The following ZNF777 variants were observed in gnomAD, a reference collection of about 807,000 sequenced individuals.
The protein encoded by ZNF777 is zinc finger protein 777.
A neutral mutation model predicts 72.1 loss-of-function variants in ZNF777; 7 were observed. The ratio of observed to expected loss-of-function variants is 0.10; its 90% CI spans 0.06 to 0.18. The LOEUF (loss-of-function observed/expected upper bound fraction) is 0.18, where lower values mean the gene tolerates loss of function less well. ZNF777 is among the 10% of genes least tolerant of loss of function. ZNF777 has a pLI of 1.00. For synonymous variants in ZNF777, 545 were observed against 483.5 expected (o/e 1.13, Z -1.67); for missense variants, 828 against 1,128.6 (o/e 0.73, Z 3.82).
In ZNF777 at chr7:149,431,664, G is replaced by T. The variant is rs955306112; in HGVS notation, c.*112C>A. On this transcript the variant is annotated 3_prime_UTR_variant, in exon 6 of 6. Transcript: ENST00000247930. The stretch of plus-strand genomic sequence containing the variant: ...GGACGAGAGGAGAGGGGGAGCTCAC[G>T]GCAAAGGGGCTGGGGGGCGCCCCGC... 17 of 1,054,168 alleles carry T rather than the reference G, an allele frequency of 1.6e-5. No individual in the cohort carries two copies. The highest frequency in any genetic ancestry group is 1.8e-5 in the Non-Finnish European group (15 of 827,076). 65.3% of individuals were successfully genotyped at this position (1,054,168 alleles called of 1,614,324 possible).
chr7:149,439,349 A>AT lies in ZNF777; in HGVS notation c.1088-2524dup, dbSNP rs1799468473. Among the ~76,000 whole-genome samples, 10 of 152,298 alleles carry AT rather than the reference A, an allele frequency of 6.6e-5. No individual in the cohort carries two copies. The South Asian group carries it at 2.1e-3, about 32-fold the overall frequency. ...TTTTGCTTGCTTACACCTTAAAATG[A>AT]TTTTTAAAACTATGTACTCCTTTGC... On this transcript the variant is annotated intron_variant, in intron 4 of 5. Transcript: ENST00000247930.
chr7:149,455,487 G>C lies in ZNF777; in HGVS notation c.536C>G (p.Pro179Arg). Residue 179 changes from proline (P) to arginine (R), a missense_variant, in exon 2 of 6, where the codon CCC (proline) becomes CGC (arginine). Physicochemically the swap from Pro to Arg is moderately radical, Grantham distance 103. This residue lies in a region of ZNF777 where 76 missense variants were observed against 157.3 expected (regional missense o/e 0.48). Transcript: ENST00000247930. This position sits in a 1 kb window ranked among gnomAD's most constrained non-coding sequence, Gnocchi z 4.2. ...SSAVQKEQPL[P>R]TAEITRLAVW... is the part of the protein sequence containing the mutation. The stretch of plus-strand genomic sequence containing the variant: ...AGCCAAGCGGGTGATCTCTGCCGTG[G>C]GGAGCGGCTGTTCCTTCTGGACTGC... 1.9e-6 allele frequency: 3 copies of C among 1,614,114 alleles called. No homozygotes were observed. The highest frequency in any genetic ancestry group is 2.5e-6 in the Non-Finnish European group (3 of 1,180,000).
intron 4 of ZNF777, among the ~76,000 whole-genome samples, chr7:149,443,928 T>C (rs1475839984): frequency 6.6e-6 from 1 of 152,190 alleles, no homozygotes; most frequent in Non-Finnish European, 1.5e-5. Context: ...TTTCCACTCC[T>C]CTGCCCCCAT....
chr7:149,431,655 G>A lies in ZNF777; in HGVS notation c.*121C>T. ...TGGGAGGAGGGACGAGAGGAGAGGG[G>A]GAGCTCACGGCAAAGGGGCTGGGGG... On this transcript the variant is annotated 3_prime_UTR_variant, in exon 6 of 6. Transcript: ENST00000247930. The A allele has an allele frequency of 1.1e-6, 1 of 912,266 alleles. No homozygotes were observed. Among genetic ancestry groups the A allele is most frequent in the Non-Finnish European group, 1.5e-6 (1 of 688,346 alleles). The allele number at this position is 912,266 out of a possible 1,614,324, so 56.5% of individuals were successfully genotyped here.
rs1799806025 is a variant in ZNF777 at position 149,455,440 on chromosome 7, C to T, written c.583G>A (p.Val195Met). Residue 195 changes from valine (V) to methionine (M), a missense_variant, in exon 2 of 6, where the codon GTG (valine) becomes ATG (methionine). Val to Met is a conservative substitution (Grantham distance 21, BLOSUM62 1). Coordinates refer to ENST00000247930, the MANE Select transcript of ZNF777 (RefSeq NM_015694.3). This position sits in a 1 kb window ranked among gnomAD's most constrained non-coding sequence, Gnocchi z 4.2. Reference protein sequence around the residue: ...RLAVWAAVQAVERKLEAQAMR... With the variant: ...RLAVWAAVQAMERKLEAQAMR... ...GCCTGGGCCTCCAGCTTCCTCTCCA[C>T]TGCTTGGACGGCAGCCCACACAGCC... 5.6e-6 allele frequency: 9 copies of T among 1,614,226 alleles called. No individual in the cohort carries two copies. Among genetic ancestry groups the T allele is most frequent in the Non-Finnish European group, 6.8e-6 (8 of 1,180,038 alleles).
intron 5 of ZNF777, among the ~76,000 whole-genome samples, chr7:149,433,872 C>T (rs73467570): frequency 6.6e-6 from 1 of 152,162 alleles, no homozygotes; most frequent in African/African-American, 2.4e-5. Context: ...TCTCAAGTGC[C>T]TTGTACTTAT....
At chr7:149,459,905 A>G (rs1053230874) in intron 1 of ZNF777, 64 of 966,584 alleles carry the variant, frequency 6.6e-5, no homozygotes, top group Non-Finnish European at 7.6e-5. Flanking sequence ...GCGTGAGAGC[A>G]GCCTCCCTCG....
rs1290569454 is a variant in ZNF777 at position 149,436,519 on chromosome 7, G to T, written c.1339+56C>A. 6.5e-7 allele frequency: 1 copy of T among 1,531,428 alleles called. No homozygotes were observed. The highest frequency in any genetic ancestry group is 8.8e-7 in the Non-Finnish European group (1 of 1,139,160). The allele number at this position is 1,531,428 out of a possible 1,614,324, so 94.9% of individuals were successfully genotyped here. On this transcript the variant is annotated intron_variant, in intron 5 of 5. Transcript: ENST00000247930. This position sits in a 1 kb window ranked among gnomAD's most constrained non-coding sequence, Gnocchi z 5.0. Reference sequence around the variant, plus strand: ...ACCACAGCTTTCCCAGGGGGCAGGGGCCCTCTGGGAGGCCTCATGGCAACC... The same window carrying T: ...ACCACAGCTTTCCCAGGGGGCAGGGTCCCTCTGGGAGGCCTCATGGCAACC...
intron 4 of ZNF777, among the ~76,000 whole-genome samples, chr7:149,450,367 G>A (rs538377819): frequency 1.8e-4 from 27 of 152,250 alleles, no homozygotes; most frequent in Middle Eastern, 3.4e-3. Context: ...CAGGCCCTAC[G>A]GTTAGATATT....
intron 4 of ZNF777, among the ~76,000 whole-genome samples, chr7:149,443,581 T>C (rs1407093722): frequency 6.6e-6 from 1 of 152,238 alleles, no homozygotes; most frequent in African/African-American, 2.4e-5. Flanking sequence ...AAAAATTTTT[T>C]TTAAAGTTAT....
At chr7:149,441,567 G>A (rs1204858992) in intron 4 of ZNF777, among the ~76,000 whole-genome samples, 1 of 152,108 alleles carries the variant, frequency 6.6e-6, no homozygotes, top group East Asian at 1.9e-4. Flanking sequence ...GATTCTTGTA[G>A]CTTGCTGTTG....
rs1039387062 is a variant in ZNF777 at position 149,460,594 on chromosome 7, C to T, written c.-16+221G>A. On this transcript the variant is annotated intron_variant, in intron 1 of 5. Transcript: ENST00000247930. This position sits in a 1 kb window ranked among gnomAD's most constrained non-coding sequence, Gnocchi z 6.1. Reference sequence around the variant, plus strand: ...CTGCCATGTTGCTACAAACTGCATCCTGGGAGGCATGTCCCTCTCAGGCCG... The same window carrying T: ...CTGCCATGTTGCTACAAACTGCATCTTGGGAGGCATGTCCCTCTCAGGCCG... 1.3e-5 allele frequency among the ~76,000 whole-genome samples: 2 copies of T among 152,074 alleles called. No individual in the cohort carries two copies. Among genetic ancestry groups the T allele is most frequent in the Non-Finnish European group, 2.9e-5 (2 of 67,976 alleles).
Position 149,448,509 on chromosome 7 carries a change from AT to A in ZNF777, c.1087+2489del, listed in dbSNP as rs1161413123. ...ACTATATATATATATATATATATAT[AT>A]AACTATATATAGTTATACATATAGT... is the stretch of plus-strand genomic sequence containing the variant. On this transcript the variant is annotated intron_variant, in intron 4 of 5. Transcript: ENST00000247930. 1.7e-4 allele frequency among the ~76,000 whole-genome samples: 24 copies of A among 137,160 alleles called. 1 individual carries two copies. The highest frequency in any genetic ancestry group is 4.0e-4 in the East Asian group (2 of 4,976). 90.0% of individuals were successfully genotyped at this position (137,160 alleles called of 152,430 possible).
At chr7:149,457,992 G>T (rs957019205) in intron 1 of ZNF777, among the ~76,000 whole-genome samples, 1 of 152,208 alleles carries the variant, frequency 6.6e-6, no homozygotes, top group African/African-American at 2.4e-5. Flanking sequence ...GGCCAGGCAG[G>T]TGTGTGCTCT....
At position 149,451,008 on chromosome 7, in the gene ZNF777, G is replaced by C. The variant is rs773101316; in HGVS notation, c.1078C>G (p.Pro360Ala). 1.2e-6 allele frequency: 2 copies of C among 1,613,450 alleles called. No individual in the cohort carries two copies. The highest frequency in any genetic ancestry group is 1.7e-5 in the Admixed American group (1 of 59,992). Reference sequence around the variant, plus strand: ...ACCCTTAGCCACTCACCAGCACTGGGATCTGTCGGCGTTTCGCCCTCCTCA... The same window carrying C: ...ACCCTTAGCCACTCACCAGCACTGGCATCTGTCGGCGTTTCGCCCTCCTCA... ...DSEEGETPTDPSAAHDGIVIK... is the reference protein window; with the variant it reads ...DSEEGETPTDASAAHDGIVIK... The change falls in exon 4 of 6, where the codon CCC (proline) becomes GCC (alanine). Residue 360 changes from proline to alanine, a missense_variant. By Grantham distance (27) the Pro-to-Ala change is conservative (BLOSUM62 -1). Transcript: ENST00000247930.
At chr7:149,442,381 G>A (rs1297887666) in intron 4 of ZNF777, among the ~76,000 whole-genome samples, 1 of 151,736 alleles carries the variant, frequency 6.6e-6, no homozygotes, top group African/African-American at 2.4e-5. Flanking sequence ...ACTTTGGGAG[G>A]CCAAGGTAGG....
At chr7:149,459,770 C>T in intron 1 of ZNF777, 1 of 984,986 alleles carries the variant, frequency 1.0e-6, no homozygotes, top group East Asian at 1.1e-4. Flanking sequence ...CCGGGGAAGG[C>T]TCCGCGGGGC....
intron 4 of ZNF777, among the ~76,000 whole-genome samples, chr7:149,440,673 GTTT>G (rs1554493243): frequency 1.0e-4 from 4 of 39,184 alleles, no homozygotes; most frequent in African/African-American, 3.1e-4. Context: ...TTGTTTTTTT[GTTT>G]TTTTTTTTTT....
In ZNF777 at chr7:149,436,043, G is replaced by A. The variant is rs1046090264; in HGVS notation, c.1339+532C>T. Among the ~76,000 whole-genome samples, 1 of 152,206 alleles carries A rather than the reference G, an allele frequency of 6.6e-6. No homozygotes were observed. Among genetic ancestry groups the A allele is most frequent in the African/African-American group, 2.4e-5 (1 of 41,466 alleles). On this transcript the variant is annotated intron_variant, in intron 5 of 5. Coordinates refer to ENST00000247930, the MANE Select transcript of ZNF777 (RefSeq NM_015694.3). This position sits in a 1 kb window ranked among gnomAD's most constrained non-coding sequence, Gnocchi z 5.0. ...TGGGATCAGGCCACCGTGAGCCCCA[G>A]TGCCTTACTGTTCTTGAACTCAGAA...
Sources: gnomAD v4.1 joint callset for allele counts (sites outside exome capture counted in the v4.1 genomes callset) on GRCh38, gnomAD v4.1.1 for gene constraint, gnomAD v4.1.1 regional missense constraint, Gnocchi (gnomAD v3.1) non-coding constraint, MANE v1.5 for transcripts, NCBI Gene and HGNC (gene_info 2026-07-23, HGNC 2026-07-21) for gene names.